FHOD3: variants seen among roughly 807,000 people sequenced by gnomAD.
FHOD3 encodes the protein formin homology 2 domain containing 3, also known as FH1/FH2 domain-containing protein 3.
Under a neutral mutation model 173.0 loss-of-function variants are expected in FHOD3, and 90 were observed. The ratio of observed to expected loss-of-function variants is 0.52; its 90% CI spans 0.44 to 0.62. The LOEUF is 0.62. Among genes scored for constraint, FHOD3 ranks in the 20% least tolerant of loss-of-function variants. FHOD3 has a pLI of 0.00. For synonymous variants in FHOD3, 828 were observed against 823.0 expected, an observed-to-expected ratio of 1.01 and a Z score of -0.10; for missense variants, 1,945 against 2,034.7, an observed-to-expected ratio of 0.96 and a Z score of 0.85.
intron 24 of FHOD3, among the ~76,000 whole-genome samples, chr18:36,751,948 G>C (rs2042419757): frequency 6.6e-6 from 1 of 152,100 alleles, no homozygotes. Flanking sequence ...TCCGAGACTG[G>C]GTAATTTATA....
chr18:36,581,137 G>GA (rs1357812886), intron 6 of FHOD3, among the ~76,000 whole-genome samples: 1 of 152,094 alleles, frequency 6.6e-6, no homozygotes, highest in Admixed American at 6.5e-5. Context: ...TTAAAAGAAA[G>GA]AAAAAAGTGT....
intron 3 of FHOD3, among the ~76,000 whole-genome samples, chr18:36,434,113 C>T (rs1378684957): frequency 6.6e-6 from 1 of 152,170 alleles, no homozygotes; most frequent in Non-Finnish European, 1.5e-5. Flanking sequence ...TGAACTTATT[C>T]ACTGTGTACT....
chr18:36,377,699 T>C (rs545419764), intron 3 of FHOD3, among the ~76,000 whole-genome samples: 1 of 152,282 alleles, frequency 6.6e-6, no homozygotes, highest in East Asian at 1.9e-4. Context: ...TCCACACAGA[T>C]GCAGCTGGCC....
chr18:36,378,269 TA>T (rs1198731739), intron 3 of FHOD3, among the ~76,000 whole-genome samples: 1 of 152,084 alleles, frequency 6.6e-6, no homozygotes, highest in Non-Finnish European at 1.5e-5. Context: ...AAAATAAAAA[TA>T]AAAAACCTCC....
At chr18:36,536,962 C>T (rs991669823) in intron 5 of FHOD3, among the ~76,000 whole-genome samples, 6 of 152,196 alleles carry the variant, frequency 3.9e-5, no homozygotes, top group African/African-American at 1.4e-4. Flanking sequence ...CTTATAGAAT[C>T]AGTAGAGCTT....
At chr18:36,650,712 A>T (rs1299040804) in intron 11 of FHOD3, among the ~76,000 whole-genome samples, 1 of 152,236 alleles carries the variant, frequency 6.6e-6, no homozygotes, top group South Asian at 2.1e-4. Flanking sequence ...TGTTCTGCCC[A>T]CCTGCACAAA....
intron 5 of FHOD3, among the ~76,000 whole-genome samples, chr18:36,537,240 C>T (rs908921632): frequency 6.6e-6 from 1 of 152,214 alleles, no homozygotes; most frequent in African/African-American, 2.4e-5. Context: ...TTGCAGACAT[C>T]CTGTCACTCT....
intron 24 of FHOD3, among the ~76,000 whole-genome samples, chr18:36,754,326 T>A (rs1264316938): frequency 1.3e-5 from 2 of 152,166 alleles, no homozygotes; most frequent in Non-Finnish European, 2.9e-5. Context: ...ATCATTTGCG[T>A]AATGTTGTTT....
rs759338723 is a variant in FHOD3, at chr18:36,594,740, A to G, written c.607-47A>G. 4 of 1,405,720 alleles carry G rather than the reference A, an allele frequency of 2.8e-6. No individual in the cohort carries two copies. The Admixed American group carries it at 5.2e-5, about 18-fold the overall frequency. The allele number at this position is 1,405,720 out of a possible 1,614,324, so 87.1% of individuals were successfully genotyped here. ...CGGTTAGGAAGATGCTCTCTGGTGC[A>G]CAGGGCCTTGTTGGCAGTGATGTGA... On this transcript the variant is annotated intron_variant, in intron 6 of 28. Transcript: ENST00000590592.
intron 18 of FHOD3, among the ~76,000 whole-genome samples, chr18:36,716,955 T>C (rs1042641390): frequency 2.0e-5 from 3 of 146,718 alleles, no homozygotes; most frequent in Non-Finnish European, 4.6e-5. Context: ...TGTGTGTGTA[T>C]GTGTTAATGT....
intron 4 of FHOD3, among the ~76,000 whole-genome samples, chr18:36,504,789 A>G (rs973461590): frequency 2.0e-5 from 3 of 152,176 alleles, no homozygotes; most frequent in East Asian, 1.9e-4. Context: ...AATAAAAAGT[A>G]TCCTGTGCTT....
intron 28 of FHOD3, among the ~76,000 whole-genome samples, chr18:36,776,796 C>T (rs898014871): frequency 2.6e-5 from 4 of 152,088 alleles, no homozygotes; most frequent in African/African-American, 7.2e-5. Flanking sequence ...AGTAGACCCA[C>T]GAGGGAGAGG....
intron 6 of FHOD3, among the ~76,000 whole-genome samples, chr18:36,593,693 C>T (rs2029866317): frequency 6.6e-6 from 1 of 152,076 alleles, no homozygotes; most frequent in African/African-American, 2.4e-5. Context: ...AAGGGGTGGG[C>T]GAGAGGTCAT....
At chr18:36,759,593 A>G (rs1407848653) in intron 26 of FHOD3, among the ~76,000 whole-genome samples, 2 of 152,208 alleles carry the variant, frequency 1.3e-5, no homozygotes, top group East Asian at 1.9e-4. Context: ...CTGATGTGTG[A>G]CCATTTCCTC....
intron 28 of FHOD3, among the ~76,000 whole-genome samples, chr18:36,773,554 AT>A (rs2043491105): frequency 6.6e-6 from 1 of 152,156 alleles, no homozygotes; most frequent in Admixed American, 6.5e-5. Flanking sequence ...TGTATCAGTT[AT>A]CTTTTGTACG....
At chr18:36,513,459 C>T (rs1009949409) in intron 5 of FHOD3, among the ~76,000 whole-genome samples, 1 of 152,216 alleles carries the variant, frequency 6.6e-6, no homozygotes, top group Non-Finnish European at 1.5e-5. Flanking sequence ...GTATCTATGC[C>T]TGTGACCCCA....
chr18:36,347,084 T>C (rs925909405), intron 1 of FHOD3, among the ~76,000 whole-genome samples: 6 of 152,204 alleles, frequency 3.9e-5, no homozygotes, highest in Non-Finnish European at 8.8e-5. Flanking sequence ...GTGTAGTGTG[T>C]GGCATGGAGA....
At chr18:36,409,687 T>C (rs1448933218) in intron 3 of FHOD3, among the ~76,000 whole-genome samples, 1 of 152,214 alleles carries the variant, frequency 6.6e-6, no homozygotes, top group East Asian at 1.9e-4. Flanking sequence ...GCAGTGAGTC[T>C]TTAGGGCTGA....
intron 7 of FHOD3, among the ~76,000 whole-genome samples, chr18:36,596,203 G>A (rs1310023643): frequency 6.6e-6 from 1 of 151,956 alleles, no homozygotes; most frequent in Non-Finnish European, 1.5e-5. Context: ...CGCCCAGGCT[G>A]GAGTGCAGTG....
Sources: allele counts gnomAD v4.1 joint callset (sites outside exome capture counted in the v4.1 genomes callset), GRCh38; gene constraint gnomAD v4.1.1; transcripts MANE v1.5; gene names NCBI Gene and HGNC (gene_info 2026-07-23, HGNC 2026-07-21).